The following STPG2 variants were observed in gnomAD, a reference collection of about 807,000 sequenced individuals.
STPG2 encodes the protein sperm tail PG-rich repeat containing 2, also known as sperm-tail PG-rich repeat-containing protein 2.
Under a neutral mutation model 54.2 loss-of-function variants are expected in STPG2, and 56 were observed. That is an observed-to-expected ratio of 1.03 (90% CI 0.83 to 1.29). The LOEUF is 1.29. Among genes scored for constraint, STPG2 ranks in the 50% most tolerant of loss-of-function variants. The pLI is 0.00. For synonymous variants in STPG2, 200 were observed against 181.8 expected, an observed-to-expected ratio of 1.10 and a Z score of -0.81; for missense variants, 596 against 544.9, an observed-to-expected ratio of 1.09 and a Z score of -0.93.
At chr4:97,899,019 AGG>A (rs946396773) in intron 8 of STPG2, among the ~76,000 whole-genome samples, 3 of 151,800 alleles carry the variant, frequency 2.0e-5, no homozygotes, top group Admixed American at 2.0e-4. Flanking sequence ...AGGAACAGAG[AGG>A]AAGTCAAACT....
intron 5 of STPG2, among the ~76,000 whole-genome samples, chr4:98,095,677 A>T (rs1174542936): frequency 6.6e-6 from 1 of 152,240 alleles, no homozygotes; most frequent in Non-Finnish European, 1.5e-5. Context: ...TAAAGCAAAT[A>T]TTATAAGAGC....
At chr4:97,483,457 C>T (rs1430790825) in intron 4 of STPG2, among the ~76,000 whole-genome samples, 3 of 151,670 alleles carry the variant, frequency 2.0e-5, no homozygotes, top group Admixed American at 6.6e-5. Context: ...TTTAAAGCAA[C>T]AGCAGTTAAA....
rs987644268 is a variant in STPG2 at position 98,025,944 on chromosome 4, G to C, written c.613-44626C>G. The C allele has an allele frequency of 3.2e-5, 45 of 1,413,610 alleles. No homozygotes were observed. The African/African-American group carries it at 6.1e-4, about 19-fold the overall frequency. The allele number at this position is 1,413,610 out of a possible 1,614,324, so 87.6% of individuals were successfully genotyped here. ...TGATTCCCTGGTTATGATTCTGAAA[G>C]CAAGGAATTTATGTAGAACTACACA... is the stretch of plus-strand genomic sequence containing the variant. On this transcript the variant is annotated intron_variant, in intron 5 of 10. Transcript: ENST00000295268.
intron 8 of STPG2, among the ~76,000 whole-genome samples, chr4:97,870,823 T>C (rs1729955671): frequency 6.6e-6 from 1 of 151,232 alleles, no homozygotes; most frequent in African/African-American, 2.4e-5. Context: ...ATCTTAAGGA[T>C]ATATGTTGAA....
At chr4:98,107,764 GGAAA>G (rs1456857756) in intron 4 of STPG2, among the ~76,000 whole-genome samples, 1 of 134,494 alleles carries the variant, frequency 7.4e-6, no homozygotes. Context: ...TGAGAAGAGG[GGAAA>G]GAGAGACGGT....
intron 8 of STPG2, among the ~76,000 whole-genome samples, chr4:97,939,553 A>T (rs1732896995): frequency 1.3e-5 from 2 of 152,192 alleles, no homozygotes; most frequent in African/African-American, 2.4e-5. Flanking sequence ...CCATTATGTA[A>T]TGCCCTTCTT....
At position 97,859,503 on chromosome 4, in the gene STPG2, G is replaced by A. The variant is rs187118280; in HGVS notation, c.1045-18571C>T. Among the ~76,000 whole-genome samples, 401 of 138,050 alleles carry A rather than the reference G, an allele frequency of 2.9e-3. 3 individuals carry two copies. The highest frequency in any genetic ancestry group is 9.9e-3 in the African/African-American group (365 of 36,782). 90.6% of individuals were successfully genotyped at this position (138,050 alleles called of 152,430 possible). A position where few individuals can be genotyped will look rare whatever the true frequency, so the allele number is the denominator to read the frequency against. ...TTTTGAGATGGAGTCTCACTCTGTCGCCCAGGCAGGGAGTGCAGTGGGGCG... is the reference window on the plus strand; with the variant it reads ...TTTTGAGATGGAGTCTCACTCTGTCACCCAGGCAGGGAGTGCAGTGGGGCG... On this transcript the variant is annotated intron_variant, in intron 8 of 10. Transcript: ENST00000295268.
intron 10 of STPG2, among the ~76,000 whole-genome samples, chr4:97,612,202 C>T (rs919076175): frequency 4.0e-5 from 6 of 150,242 alleles, no homozygotes; most frequent in African/African-American, 1.5e-4. Flanking sequence ...CATAATACCA[C>T]ACACTTAAAC....
chr4:97,722,776 T>C (rs1282409143), intron 9 of STPG2, among the ~76,000 whole-genome samples: 2 of 150,844 alleles, frequency 1.3e-5, no homozygotes, highest in Admixed American at 6.6e-5. Flanking sequence ...ATTTCTTTAG[T>C]CCATATTTGA....
intron 8 of STPG2, among the ~76,000 whole-genome samples, chr4:97,848,733 C>A (rs947888224): frequency 1.3e-5 from 2 of 151,780 alleles, no homozygotes; most frequent in East Asian, 1.9e-4. Flanking sequence ...GCCAGTTTTC[C>A]CAGCACCATT....
intron 8 of STPG2, among the ~76,000 whole-genome samples, chr4:97,883,534 A>G (rs1045941430): frequency 3.3e-5 from 5 of 152,314 alleles, no homozygotes; most frequent in African/African-American, 1.2e-4. Flanking sequence ...ACATGAATGG[A>G]CAGATGAAGA....
chr4:98,131,049 T>G (rs946467053), intron 2 of STPG2, among the ~76,000 whole-genome samples: 1 of 151,942 alleles, frequency 6.6e-6, no homozygotes, highest in Admixed American at 6.5e-5. Flanking sequence ...TTTCCTGGAA[T>G]ATATCACACT....
chr4:97,443,630 A>G (rs1729146103), intron 4 of STPG2, among the ~76,000 whole-genome samples: 1 of 152,180 alleles, frequency 6.6e-6, no homozygotes, highest in Admixed American at 6.5e-5. Flanking sequence ...AACTCTTAAC[A>G]AAAATGTGAA....
intron 5 of STPG2, among the ~76,000 whole-genome samples, chr4:98,022,880 A>T (rs1736271343): frequency 6.6e-6 from 1 of 152,114 alleles, no homozygotes; most frequent in African/African-American, 2.4e-5. Flanking sequence ...AGCTCCTTTA[A>T]GCACTTCTCT....
At chr4:97,538,711 A>G (rs530928124) in intron 4 of STPG2, among the ~76,000 whole-genome samples, 61 of 152,260 alleles carry the variant, frequency 4.0e-4, no homozygotes, top group East Asian at 7.7e-4. Flanking sequence ...GATACTCCTC[A>G]AGAAGAGCAA....
intron 4 of STPG2, among the ~76,000 whole-genome samples, chr4:97,493,279 G>T (rs1433829209): frequency 6.6e-6 from 1 of 151,342 alleles, no homozygotes; most frequent in Non-Finnish European, 1.5e-5. Flanking sequence ...TTGAGGAAGT[G>T]TATACAAATA....
At chr4:98,074,406 GTTT>G (rs1738093425) in intron 5 of STPG2, among the ~76,000 whole-genome samples, 1 of 152,072 alleles carries the variant, frequency 6.6e-6, no homozygotes, top group Non-Finnish European at 1.5e-5. Flanking sequence ...CCTTCATGGG[GTTT>G]ATTTTGTATT....
chr4:97,714,667 A>T (rs920670790), intron 9 of STPG2, among the ~76,000 whole-genome samples: 1 of 152,146 alleles, frequency 6.6e-6, no homozygotes, highest in African/African-American at 2.4e-5. Flanking sequence ...TACATACATA[A>T]CATCTTTACT....
chr4:97,726,794 C>G (rs1043934826), intron 9 of STPG2, among the ~76,000 whole-genome samples: 1 of 151,204 alleles, frequency 6.6e-6, no homozygotes, highest in East Asian at 1.9e-4. Flanking sequence ...ATATCATACA[C>G]ACACACATAA....
Sources: gnomAD v4.1 joint callset for allele counts (sites outside exome capture counted in the v4.1 genomes callset) on GRCh38, gnomAD v4.1.1 for gene constraint, MANE v1.5 for transcripts, NCBI Gene and HGNC (gene_info 2026-07-23, HGNC 2026-07-21) for gene names.